PTPRD: variants seen among roughly 807,000 people sequenced by gnomAD.
PTPRD encodes the protein receptor-type tyrosine-protein phosphatase delta.
PTPRD carries 34 observed loss-of-function variants against 214.5 expected under a neutral mutation model. The observed-to-expected ratio is 0.16, with a 90% CI of 0.12 to 0.21. PTPRD has a LOEUF of 0.21. PTPRD is among the 10% of genes least tolerant of loss of function. PTPRD has a pLI of 1.00. For synonymous variants in PTPRD, 1,128 were observed against 845.7 expected (o/e 1.33, Z -5.79); for missense variants, 2,545 against 2,398.7 (o/e 1.06, Z -1.27).
intron 44 of PTPRD, among the ~76,000 whole-genome samples, chr9:8,321,489 A>C (rs4008211): frequency 5.8e-5 from 2 of 34,470 alleles, no homozygotes; most frequent in South Asian, 1.8e-3. Context: ...GTGTGTGTGT[A>C]TATATATATA....
At chr9:9,060,080 T>A (rs2099704292) in intron 10 of PTPRD, among the ~76,000 whole-genome samples, 1 of 152,322 alleles carries the variant, frequency 6.6e-6, no homozygotes, top group Admixed American at 6.5e-5. Context: ...TATTTGCAAA[T>A]GCTAAGAATA....
intron 33 of PTPRD, among the ~76,000 whole-genome samples, chr9:8,455,163 A>G (rs146483020): frequency 2.6e-5 from 4 of 152,120 alleles, no homozygotes; most frequent in African/African-American, 9.7e-5. Context: ...TTCTTCAAAC[A>G]CCTCTTGCCA....
At chr9:8,420,030 C>T (rs933237049) in intron 35 of PTPRD, among the ~76,000 whole-genome samples, 47 of 152,096 alleles carry the variant, frequency 3.1e-4, no homozygotes, top group African/African-American at 1.1e-3. Flanking sequence ...GAAGAAATCC[C>T]ATCACCCCTC....
intron 2 of PTPRD, among the ~76,000 whole-genome samples, chr9:10,476,104 A>T (rs1025124377): frequency 2.0e-5 from 3 of 152,130 alleles, no homozygotes; most frequent in African/African-American, 7.2e-5. Context: ...CACCTCTCCT[A>T]TTCAACATAG....
intron 5 of PTPRD, among the ~76,000 whole-genome samples, chr9:9,895,684 C>G (rs181067098): frequency 1.3e-5 from 2 of 152,004 alleles, no homozygotes; most frequent in African/African-American, 2.4e-5. Flanking sequence ...TACATGGCAA[C>G]TATAGTCAAC....
At chr9:9,569,237 A>G (rs2085572281) in intron 8 of PTPRD, among the ~76,000 whole-genome samples, 2 of 151,694 alleles carry the variant, frequency 1.3e-5, no homozygotes, top group South Asian at 4.1e-4. Flanking sequence ...TGAAATTAAA[A>G]CCATTGATTA....
chr9:8,744,238 GA>G (rs2092502732), intron 11 of PTPRD, among the ~76,000 whole-genome samples: 1 of 152,182 alleles, frequency 6.6e-6, no homozygotes, highest in South Asian at 2.1e-4. Flanking sequence ...AAAACGGTGT[GA>G]AGATTCCTTA....
At chr9:10,449,181 G>C (rs1325973355) in intron 2 of PTPRD, among the ~76,000 whole-genome samples, 2 of 151,960 alleles carry the variant, frequency 1.3e-5, no homozygotes, top group African/African-American at 2.4e-5. Context: ...CTGGGATTGC[G>C]GGCGGGTGCC....
In PTPRD at chr9:10,377,106, G is replaced by C. The variant is rs574615284; in HGVS notation, c.-599-36089C>G. Among the ~76,000 whole-genome samples the C allele has an allele frequency of 4.6e-5, 7 of 151,558 alleles. 1 individual carries two copies. In the South Asian group the frequency reaches 1.2e-3, roughly 27 times the overall value. On this transcript the variant is annotated intron_variant, in intron 2 of 45. Coordinates refer to ENST00000381196, the MANE Select transcript of PTPRD (RefSeq NM_002839.4). ...ATCCTTCTACTATCCATGGCTGTAA[G>C]TTCAATTATTTTCGTTTTTAGATCC...
chr9:9,961,876 C>G (rs1319843369), intron 4 of PTPRD, among the ~76,000 whole-genome samples: 1 of 152,044 alleles, frequency 6.6e-6, no homozygotes, highest in African/African-American at 2.4e-5. Flanking sequence ...ATTATTTCCA[C>G]TAGTGCTTTT....
intron 7 of PTPRD, among the ~76,000 whole-genome samples, chr9:9,613,216 G>GAAGAGA (rs1245521038): frequency 3.9e-5 from 3 of 77,898 alleles, no homozygotes; most frequent in Non-Finnish European, 8.8e-5. Flanking sequence ...TGAAAACTGT[G>GAAGAGA]AAATCATTTA....
chr9:9,372,337 T>C (rs1474209557), intron 9 of PTPRD, among the ~76,000 whole-genome samples: 1 of 152,220 alleles, frequency 6.6e-6, no homozygotes, highest in Non-Finnish European at 1.5e-5. Flanking sequence ...TTAGCTCTTC[T>C]TGTTGAATTG....
At chr9:8,418,490 A>G (rs116948230) in intron 35 of PTPRD, among the ~76,000 whole-genome samples, 1 of 152,176 alleles carries the variant, frequency 6.6e-6, no homozygotes, top group East Asian at 1.9e-4. Context: ...AAGTTTCTCA[A>G]TGGAAATACT....
intron 39 of PTPRD, among the ~76,000 whole-genome samples, chr9:8,347,089 TA>T (rs960445383): frequency 1.5e-4 from 23 of 148,660 alleles, no homozygotes; most frequent in Admixed American, 6.7e-5. Context: ...CCCCTGCGGA[TA>T]GAGGGGGACT....
chr9:9,728,132 A>G (rs979999442), intron 7 of PTPRD, among the ~76,000 whole-genome samples: 2 of 152,098 alleles, frequency 1.3e-5, no homozygotes, highest in Admixed American at 6.5e-5. Context: ...ACCACCATGT[A>G]AGATGTGCCT....
At chr9:9,022,133 A>G (rs560054415) in intron 10 of PTPRD, among the ~76,000 whole-genome samples, 168 of 150,524 alleles carry the variant, frequency 1.1e-3, no homozygotes, top group Non-Finnish European at 2.1e-3. Flanking sequence ...CAGAACGTAA[A>G]GTAAAATAAA....
At chr9:8,911,638 A>C (rs2098749286) in intron 11 of PTPRD, among the ~76,000 whole-genome samples, 1 of 152,122 alleles carries the variant, frequency 6.6e-6, no homozygotes, top group Admixed American at 6.6e-5. Context: ...GATGCCAAAA[A>C]CATGATCCAT....
intron 11 of PTPRD, among the ~76,000 whole-genome samples, chr9:8,929,759 A>C: frequency 2.2e-5 from 1 of 44,468 alleles, no homozygotes; most frequent in Non-Finnish European, 4.3e-5. Flanking sequence ...ATATATATGT[A>C]TATATATGTG....
At chr9:8,448,354 C>T (rs538896905) in intron 34 of PTPRD, among the ~76,000 whole-genome samples, 1 of 151,926 alleles carries the variant, frequency 6.6e-6, no homozygotes, top group Non-Finnish European at 1.5e-5. Flanking sequence ...AAACAAACAA[C>T]CAAAAACAAA....
Sources: allele counts gnomAD v4.1 joint callset (sites outside exome capture counted in the v4.1 genomes callset), GRCh38; gene constraint gnomAD v4.1.1; transcripts MANE v1.5; gene names NCBI Gene and HGNC (gene_info 2026-07-23, HGNC 2026-07-21).